The following ASIC2 variants were observed in gnomAD, a reference collection of about 807,000 sequenced individuals.
The protein encoded by ASIC2 is acid-sensing ion channel 2.
ASIC2 carries 25 observed loss-of-function variants against 57.3 expected under a neutral mutation model. The ratio of observed to expected loss-of-function variants is 0.44; its 90% CI spans 0.32 to 0.61. The LOEUF (loss-of-function observed/expected upper bound fraction) is 0.61. Ranked by LOEUF, ASIC2 falls within the 20% of genes least tolerant of loss-of-function variation. ASIC2 has a pLI of 0.06. For missense variants in ASIC2, 641 were observed against 738.1 expected (o/e 0.87, Z 1.52); for synonymous variants, 319 against 307.5 (o/e 1.04, Z -0.39).
At chr17:33,527,999 T>C (rs1362195513) in intron 1 of ASIC2, among the ~76,000 whole-genome samples, 2 of 152,166 alleles carry the variant, frequency 1.3e-5, no homozygotes, top group Non-Finnish European at 2.9e-5. Context: ...TTGCAGATGC[T>C]CATTTGACCC....
At chr17:33,479,181 T>C (rs1913322913) in intron 1 of ASIC2, among the ~76,000 whole-genome samples, 1 of 152,014 alleles carries the variant, frequency 6.6e-6, no homozygotes, top group Admixed American at 6.6e-5. Flanking sequence ...GTGTTTTTAA[T>C]AGAGATGGGG....
chr17:33,953,879 T>C (rs62057443), intron 1 of ASIC2, among the ~76,000 whole-genome samples: 50 of 152,206 alleles, frequency 3.3e-4, no homozygotes, highest in African/African-American at 1.1e-3. Context: ...TAGATTAAGA[T>C]GATAGAGAGC....
intron 1 of ASIC2, among the ~76,000 whole-genome samples, chr17:33,375,490 A>G (rs1240149670): frequency 6.6e-6 from 1 of 152,182 alleles, no homozygotes; most frequent in Admixed American, 6.5e-5. Flanking sequence ...TTGATTATGA[A>G]GTTTACGGCA....
At chr17:33,335,669 T>C (rs1226937225) in intron 1 of ASIC2, among the ~76,000 whole-genome samples, 1 of 152,156 alleles carries the variant, frequency 6.6e-6, no homozygotes, top group South Asian at 2.1e-4. Context: ...ACCACCAGGG[T>C]CACCAAGTGG....
chr17:33,262,932 G>A (rs1369409237), intron 1 of ASIC2, among the ~76,000 whole-genome samples: 1 of 152,188 alleles, frequency 6.6e-6, no homozygotes, highest in African/African-American at 2.4e-5. Flanking sequence ...GGGTAGACAT[G>A]CCACGTCTCA....
intron 1 of ASIC2, among the ~76,000 whole-genome samples, chr17:33,335,092 TC>T (rs1228870398): frequency 6.6e-6 from 1 of 152,180 alleles, no homozygotes; most frequent in Admixed American, 6.5e-5. Context: ...AGGTCTATTA[TC>T]CCTTTTTACA....
chr17:33,047,872 G>A (rs141237479), intron 3 of ASIC2, among the ~76,000 whole-genome samples: 1 of 152,274 alleles, frequency 6.6e-6, no homozygotes, highest in East Asian at 1.9e-4. Flanking sequence ...GAAGGACTGC[G>A]ATGGAAAGAT....
chr17:33,648,762 C>A (rs1906828566), intron 1 of ASIC2, among the ~76,000 whole-genome samples: 1 of 152,206 alleles, frequency 6.6e-6, no homozygotes, highest in African/African-American at 2.4e-5. Flanking sequence ...TAACTGTGGT[C>A]TATAAAACTA....
intron 1 of ASIC2, among the ~76,000 whole-genome samples, chr17:33,271,678 C>T (rs148768681): frequency 6.6e-6 from 1 of 152,322 alleles, no homozygotes; most frequent in African/African-American, 2.4e-5. Context: ...ACCTCCATCA[C>T]CAAAACCCTA....
intron 1 of ASIC2, among the ~76,000 whole-genome samples, chr17:33,437,240 A>C (rs559966017): frequency 6.6e-6 from 1 of 152,154 alleles, no homozygotes; most frequent in Admixed American, 6.5e-5. Flanking sequence ...TTGAACTCTT[A>C]GGCTCAAGCA....
At chr17:33,055,975 A>T (rs191713163) in intron 3 of ASIC2, among the ~76,000 whole-genome samples, 46 of 152,328 alleles carry the variant, frequency 3.0e-4, no homozygotes, top group African/African-American at 1.0e-3. Flanking sequence ...ATTAGAATTC[A>T]GTTGTTTCTG....
chr17:33,485,156 A>G (rs1337478089), intron 1 of ASIC2, among the ~76,000 whole-genome samples: 1 of 152,274 alleles, frequency 6.6e-6, no homozygotes, highest in African/African-American at 2.4e-5. Context: ...AGGTCCAAGC[A>G]GCATAGTTCT....
At chr17:33,577,955 C>T (rs1225860970) in intron 1 of ASIC2, among the ~76,000 whole-genome samples, 2 of 152,088 alleles carry the variant, frequency 1.3e-5, no homozygotes, top group Admixed American at 1.3e-4. Context: ...CCAGCTGCAT[C>T]CAAGCCTGGC....
chr17:33,150,875 C>T lies in ASIC2; in HGVS notation c.709-38808G>A, dbSNP rs143939400. 4.6e-4 allele frequency among the ~76,000 whole-genome samples: 45 copies of T among 97,736 alleles called. 1 individual carries two copies. In the East Asian group the frequency reaches 7.1e-3, roughly 15 times the overall value. 64.1% of individuals were successfully genotyped at this position (97,736 alleles called of 152,430 possible). A position where few individuals can be genotyped will look rare whatever the true frequency, so the allele number is the denominator to read the frequency against. ...AAAAAAAAAAAAAAAAAAAAAAATA[C>T]AAAAATTAGCTGGGTGTGGTGTCAG... On this transcript the variant is annotated intron_variant, in intron 1 of 9. Coordinates refer to ENST00000225823, the MANE Select transcript of ASIC2 (RefSeq NM_183377.2).
chr17:33,198,220 G>A (rs1453786446), intron 1 of ASIC2, among the ~76,000 whole-genome samples: 1 of 152,182 alleles, frequency 6.6e-6, no homozygotes, highest in African/African-American at 2.4e-5. Context: ...GGGCATAGGG[G>A]CATGCACCTG....
chr17:34,073,708 C>A (rs1178445127), intron 1 of ASIC2, among the ~76,000 whole-genome samples: 1 of 152,208 alleles, frequency 6.6e-6, no homozygotes, highest in Non-Finnish European at 1.5e-5. Context: ...TGCTTTTCTT[C>A]ATTAGCATCT....
At position 33,355,663 on chromosome 17, in the gene ASIC2, T is replaced by C. The variant is rs1239230419; in HGVS notation, c.556-243596A>G. Among the ~76,000 whole-genome samples the C allele has an allele frequency of 2.0e-5, 3 of 152,238 alleles. 1 individual carries two copies. The highest frequency in any genetic ancestry group is 7.2e-5 in the African/African-American group (3 of 41,460). Reference sequence around the variant, plus strand: ...TCCCATAACAACCCTTGATAAATAGTAGAAGTTTCATAAATGTTTGCTGAA... The same window carrying C: ...TCCCATAACAACCCTTGATAAATAGCAGAAGTTTCATAAATGTTTGCTGAA... On this transcript the variant is annotated intron_variant, in intron 1 of 9. Transcript: ENST00000359872.
At chr17:33,115,322 A>G (rs1457420854) in intron 1 of ASIC2, among the ~76,000 whole-genome samples, 1 of 152,148 alleles carries the variant, frequency 6.6e-6, no homozygotes, top group Non-Finnish European at 1.5e-5. Flanking sequence ...GCCAAGTGAC[A>G]ATCTATGACA....
chr17:34,144,150 T>C (rs867122540), intron 1 of ASIC2, among the ~76,000 whole-genome samples: 1 of 152,204 alleles, frequency 6.6e-6, no homozygotes, highest in African/African-American at 2.4e-5. Flanking sequence ...AAAAAAGATA[T>C]GTCAACTATT....
Sources: gnomAD v4.1 joint callset for allele counts (sites outside exome capture counted in the v4.1 genomes callset) on GRCh38, gnomAD v4.1.1 for gene constraint, MANE v1.5 for transcripts, NCBI Gene and HGNC (gene_info 2026-07-23, HGNC 2026-07-21) for gene names.